CCDC198: variants seen among roughly 807,000 people sequenced by gnomAD.
The protein encoded by CCDC198 is factor associated with metabolism and energy.
A neutral mutation model predicts 35.6 loss-of-function variants in CCDC198; 18 were observed. The ratio of observed to expected loss-of-function variants is 0.51; its 90% CI spans 0.35 to 0.75. The LOEUF (loss-of-function observed/expected upper bound fraction) is 0.75, where lower values mean the gene tolerates loss of function less well. CCDC198 is among the 30% of genes least tolerant of loss of function. The pLI is 0.01. For synonymous variants in CCDC198, 119 were observed against 113.4 expected (o/e 1.05, Z -0.31); for missense variants, 365 against 343.7 (o/e 1.06, Z -0.49).
intron 5 of CCDC198, among the ~76,000 whole-genome samples, chr14:57,475,047 G>A (rs1566571990): frequency 6.6e-6 from 1 of 152,228 alleles, no homozygotes; most frequent in Non-Finnish European, 1.5e-5. Flanking sequence ...GGATCACGAG[G>A]TCAGGAGATC....
chr14:57,485,632 C>T (rs1015035414), intron 2 of CCDC198, among the ~76,000 whole-genome samples: 1 of 152,200 alleles, frequency 6.6e-6, no homozygotes, highest in African/African-American at 2.4e-5. Flanking sequence ...GGGTTCCCCA[C>T]TACTTCCCTG....
intron 2 of CCDC198, among the ~76,000 whole-genome samples, chr14:57,484,332 G>A (rs2067285745): frequency 6.6e-6 from 1 of 152,204 alleles, no homozygotes; most frequent in Non-Finnish European, 1.5e-5. Context: ...AGGACACGAT[G>A]TGAAGATGAA....
chr14:57,480,035 G>A (rs771592332), intron 5 of CCDC198, among the ~76,000 whole-genome samples: 1 of 152,186 alleles, frequency 6.6e-6, no homozygotes, highest in Admixed American at 6.5e-5. Flanking sequence ...CTTGGTGACC[G>A]ACCAGCTGTA....
rs1192424688 is a variant in CCDC198, at chr14:57,470,560, ACTC to A, written c.*792_*794del. 1.3e-5 allele frequency: 2 copies of A among 151,780 alleles called. No individual in the cohort carries two copies. Among genetic ancestry groups the A allele is most frequent in the Non-Finnish European group, 2.9e-5 (2 of 67,958 alleles). 9.4% of individuals were successfully genotyped at this position (151,780 alleles called of 1,614,324 possible). A position where few individuals can be genotyped will look rare whatever the true frequency, so the allele number is the denominator to read the frequency against. ...ACCATGTTGGCCAGGCTGGTCTTGA[ACTC>A]CTGACCTCAAGTGATCTGCCCACCT... On this transcript the variant is annotated 3_prime_UTR_variant, in exon 6 of 6. Transcript: ENST00000216445.
chr14:57,489,564 A>G (rs1178397945), intron 2 of CCDC198, among the ~76,000 whole-genome samples: 1 of 152,114 alleles, frequency 6.6e-6, no homozygotes, highest in African/African-American at 2.4e-5. Context: ...TTGCACTGAA[A>G]TAATTCATTT....
At chr14:57,488,359 A>G (rs1381972505) in intron 2 of CCDC198, among the ~76,000 whole-genome samples, 5 of 152,156 alleles carry the variant, frequency 3.3e-5, no homozygotes. Context: ...TTGCTAGTCA[A>G]TGAGACTTCT....
At chr14:57,484,227 A>T (rs2067281074) in intron 2 of CCDC198, among the ~76,000 whole-genome samples, 1 of 152,222 alleles carries the variant, frequency 6.6e-6, no homozygotes, top group African/African-American at 2.4e-5. Context: ...TAATTAGTTA[A>T]GATGAAGTCA....
At chr14:57,478,148 T>C (rs1039094546) in intron 5 of CCDC198, among the ~76,000 whole-genome samples, 3 of 152,168 alleles carry the variant, frequency 2.0e-5, no homozygotes, top group African/African-American at 4.8e-5. Context: ...GAACATGAGC[T>C]CCAAAGTCTG....
rs957176561 is a variant in CCDC198, at chr14:57,480,250, G to A, written c.655+345C>T. The A allele has an allele frequency of 4.1e-6, 4 of 985,188 alleles. No homozygotes were observed. The African/African-American group carries it at 5.2e-5, about 13-fold the overall frequency. The allele number at this position is 985,188 out of a possible 1,614,324, so 61.0% of individuals were successfully genotyped here. A position where few individuals can be genotyped will look rare whatever the true frequency, so the allele number is the denominator to read the frequency against. ...GCTGAAGCAAATTTGCCATGTGACT[G>A]CCGGCAATATATCTTCATATGCTTC... On this transcript the variant is annotated intron_variant, in intron 5 of 5. Transcript: ENST00000216445.
In CCDC198 at chr14:57,469,528, T is replaced by C. The variant is rs1055486601; in HGVS notation, c.*1827A>G. Reference sequence around the variant, plus strand: ...GTTCAAAGTTATCCATCCCATTTTTTGTGTTTTAAGCCTTCCAAATTGACC... The same window carrying C: ...GTTCAAAGTTATCCATCCCATTTTTCGTGTTTTAAGCCTTCCAAATTGACC... On this transcript the variant is annotated 3_prime_UTR_variant, in exon 6 of 6. Coordinates refer to ENST00000216445, the MANE Select transcript of CCDC198 (RefSeq NM_018168.4). 9.9e-5 allele frequency: 15 copies of C among 152,254 alleles called. No homozygotes were observed. Among genetic ancestry groups the C allele is most frequent in the African/African-American group, 3.4e-4 (14 of 41,466 alleles). 9.4% of individuals were successfully genotyped at this position (152,254 alleles called of 1,614,324 possible). A position where few individuals can be genotyped will look rare whatever the true frequency, so the allele number is the denominator to read the frequency against.
intron 5 of CCDC198, chr14:57,478,499 T>A (rs1462700423): frequency 1.0e-6 from 1 of 986,700 alleles, no homozygotes; most frequent in Non-Finnish European, 1.2e-6. Context: ...TTAAAAAGCA[T>A]CAGGAGAGCA....
intron 5 of CCDC198, 27 bp from the exon 6 acceptor site, chr14:57,471,617 T>A: frequency 7.5e-7 from 1 of 1,333,464 alleles, no homozygotes; most frequent in Non-Finnish European, 1.0e-6. Context: ...TTTCTTTAAT[T>A]TTTTCCCTTA....
At chr14:57,475,044 G>A (rs953837617) in intron 5 of CCDC198, among the ~76,000 whole-genome samples, 4 of 151,984 alleles carry the variant, frequency 2.6e-5, no homozygotes, top group African/African-American at 7.2e-5. Flanking sequence ...GGCGGATCAC[G>A]AGGTCAGGAG....
intron 1 of CCDC198, among the ~76,000 whole-genome samples, chr14:57,491,720 C>A (rs1431292192): frequency 4.6e-5 from 7 of 152,100 alleles, no homozygotes; most frequent in South Asian, 4.1e-4. Context: ...TATTTTCCAG[C>A]TTGATTATCC....
intron 3 of CCDC198, among the ~76,000 whole-genome samples, chr14:57,482,706 A>C (rs2067228774): frequency 6.6e-6 from 1 of 152,200 alleles, no homozygotes; most frequent in Non-Finnish European, 1.5e-5. Context: ...AAAAAGTTTT[A>C]AACTGAGGGG....
intron 5 of CCDC198, among the ~76,000 whole-genome samples, chr14:57,477,902 T>C (rs1274027489): frequency 1.3e-5 from 2 of 152,178 alleles, no homozygotes; most frequent in Admixed American, 1.3e-4. Flanking sequence ...TTCACCATGT[T>C]GGCCAAGCTG....
At chr14:57,480,454 A>C (rs1364955616) in intron 5 of CCDC198, 141 bp downstream of exon 5, 44 of 1,202,072 alleles carry the variant, frequency 3.7e-5, no homozygotes, top group Middle Eastern at 2.1e-4. Flanking sequence ...CAACATGCCC[A>C]CTATATTCTG....
chr14:57,488,117 A>T (rs913371542), intron 2 of CCDC198, among the ~76,000 whole-genome samples: 1 of 152,228 alleles, frequency 6.6e-6, no homozygotes, highest in Non-Finnish European at 1.5e-5. Context: ...TTTGACTGGA[A>T]CTGTAAGATA....
Position 57,492,415 on chromosome 14 carries a change from G to A in CCDC198, c.223+1078C>T, listed in dbSNP as rs138785237. Among the ~76,000 whole-genome samples the A allele has an allele frequency of 8.6e-3, 1,303 of 152,006 alleles. 11 individuals are homozygous for A. Among genetic ancestry groups the A allele is most frequent in the Non-Finnish European group, 0.014 (938 of 67,932 alleles). ...CAAAATCTTAAAACTCTCAATGGGG[G>A]TTTGGATAAAAAGGGAATTCCTCAA... On this transcript the variant is annotated intron_variant, in intron 1 of 5. Coordinates refer to ENST00000216445, the MANE Select transcript of CCDC198 (RefSeq NM_018168.4).
Sources: gnomAD v4.1 joint callset for allele counts (sites outside exome capture counted in the v4.1 genomes callset) on GRCh38, gnomAD v4.1.1 for gene constraint, MANE v1.5 for transcripts, NCBI Gene and HGNC (gene_info 2026-07-23, HGNC 2026-07-21) for gene names.